RAB7A: variants seen among roughly 807,000 people sequenced by gnomAD.
RAB7A encodes ras-related protein Rab-7a.
RAB7A carries 2 observed loss-of-function variants against 24.5 expected under a neutral mutation model. The ratio of observed to expected loss-of-function variants is 0.08; its 90% CI spans 0.03 to 0.26. RAB7A has a LOEUF of 0.26. Ranked by LOEUF, RAB7A falls within the 10% of genes least tolerant of loss-of-function variation. The probability of loss-of-function intolerance (pLI) is 1.00; values close to 1 mark genes in which losing one functional copy is unlikely to be tolerated. For synonymous variants in RAB7A, 100 were observed against 95.9 expected, an observed-to-expected ratio of 1.04 and a Z score of -0.25; for missense variants, 118 against 255.7, an observed-to-expected ratio of 0.46 and a Z score of 3.67.
chr3:128,737,825 G>GAATTTTTT (rs2070506150), intron 1 of RAB7A, among the ~76,000 whole-genome samples: 1 of 59,482 alleles, frequency 1.7e-5, no homozygotes, highest in African/African-American at 6.3e-5. Flanking sequence ...TTTTTTTGTA[G>GAATTTTTT]TTTTTTTTTT....
chr3:128,788,029 C>T (rs763661284), intron 1 of RAB7A, among the ~76,000 whole-genome samples: 5 of 152,226 alleles, frequency 3.3e-5, no homozygotes, highest in East Asian at 1.9e-4. Context: ...TTTTAAATTG[C>T]GTGCTGTTTG....
At chr3:128,767,115 T>G (rs1425425001) in intron 1 of RAB7A, among the ~76,000 whole-genome samples, 2 of 152,208 alleles carry the variant, frequency 1.3e-5, no homozygotes, top group African/African-American at 4.8e-5. Context: ...CTGCTGCGCG[T>G]TGGCATTCAG....
intron 1 of RAB7A, among the ~76,000 whole-genome samples, chr3:128,734,505 C>T (rs979587989): frequency 3.3e-5 from 5 of 151,158 alleles, no homozygotes; most frequent in East Asian, 3.9e-4. Flanking sequence ...AGGAAAACAC[C>T]GCTTCAGTCC....
chr3:128,767,114 G>A (rs950917749), intron 1 of RAB7A, among the ~76,000 whole-genome samples: 12 of 152,134 alleles, frequency 7.9e-5, no homozygotes, highest in African/African-American at 2.7e-4. Context: ...CCTGCTGCGC[G>A]TTGGCATTCA....
At chr3:128,740,409 A>G (rs1409872383) in intron 1 of RAB7A, among the ~76,000 whole-genome samples, 1 of 152,190 alleles carries the variant, frequency 6.6e-6, no homozygotes, top group Admixed American at 6.5e-5. Context: ...TTATCTAATC[A>G]TTTCCTTAAG....
intron 1 of RAB7A, among the ~76,000 whole-genome samples, chr3:128,728,339 T>C (rs898387322): frequency 5.9e-5 from 9 of 152,246 alleles, no homozygotes; most frequent in Admixed American, 1.3e-4. Flanking sequence ...AACAACAGCA[T>C]TTGTATGGTT....
In RAB7A at chr3:128,755,655, T is replaced by A. The variant is rs570857916; in HGVS notation, c.-9+29296T>A. Among the ~76,000 whole-genome samples the A allele has an allele frequency of 6.6e-5, 10 of 152,368 alleles. 1 individual carries two copies. The South Asian group carries it at 2.1e-3, about 32-fold the overall frequency. On this transcript the variant is annotated intron_variant, in intron 1 of 5. Transcript: ENST00000265062. ...CTTTGCTCAGTTCCTGGGACTGTAC[T>A]CTTTCCACCTTGGACGATGCCATCT...
At chr3:128,777,099 T>TAAA (rs1257536688) in intron 1 of RAB7A, among the ~76,000 whole-genome samples, 1 of 152,198 alleles carries the variant, frequency 6.6e-6, no homozygotes, top group African/African-American at 2.4e-5. Flanking sequence ...GAGTTCCTTA[T>TAAA]ATGTTTAGGG....
chr3:128,801,039 A>G (rs1462090259), intron 3 of RAB7A, among the ~76,000 whole-genome samples: 1 of 152,238 alleles, frequency 6.6e-6, no homozygotes. Context: ...CATAATCAAA[A>G]TAAAACAAGG....
rs568170632 is a variant in RAB7A, at chr3:128,791,732, G to A, written c.-8-3628G>A. ...GACTCTGCTGGGCATGTCCTTATGG[G>A]GAGCCTAAGGAGCTGTCAAAAGAGA... On this transcript the variant is annotated intron_variant, in intron 1 of 5. Coordinates refer to ENST00000265062, the MANE Select transcript of RAB7A (RefSeq NM_004637.6). Among the ~76,000 whole-genome samples the A allele has an allele frequency of 9.9e-5, 15 of 152,260 alleles. No individual in the cohort carries two copies. In the South Asian group the frequency reaches 3.1e-3, roughly 32 times the overall value.
chr3:128,806,729 GGCCAACT>G, intron 4 of RAB7A, 139 bp downstream of exon 4: 1 of 899,592 alleles, frequency 1.1e-6, no homozygotes, highest in Non-Finnish European at 1.8e-6. Flanking sequence ...CAGCCCTTCA[GGCCAACT>G]GCCTTTAAGG....
chr3:128,729,569 CA>C (rs71153142), intron 1 of RAB7A, among the ~76,000 whole-genome samples: 15,041 of 97,066 alleles, frequency 0.15, 1,548 homozygotes, highest in African/African-American at 0.34. Context: ...GACTTCTTCT[CA>C]AAAAAAAAAA....
At chr3:128,812,550 G>C (rs1933949679) in intron 5 of RAB7A, among the ~76,000 whole-genome samples, 1 of 152,200 alleles carries the variant, frequency 6.6e-6, no homozygotes, top group African/African-American at 2.4e-5. Context: ...TTCTAGAACA[G>C]TCACTGGCAC....
chr3:128,795,565 A>T, intron 2 of RAB7A, 145 bp downstream of exon 2: 1 of 771,414 alleles, frequency 1.3e-6, no homozygotes, highest in South Asian at 1.4e-5. Flanking sequence ...AGAAATTTAG[A>T]TGATCCCTTG....
chr3:128,806,699 G>A, intron 4 of RAB7A, 109 bp downstream of exon 4: 1 of 1,133,964 alleles, frequency 8.8e-7, no homozygotes, highest in South Asian at 1.3e-5. Context: ...GTGCTGGTGG[G>A]AGTCTTCATT....
chr3:128,798,302 T>TAA (rs1003516628), intron 3 of RAB7A: 1 of 459,226 alleles, frequency 2.2e-6, no homozygotes, highest in Non-Finnish European at 3.8e-6. Flanking sequence ...AAATTCTTCT[T>TAA]AAAAAAAAAC....
rs183364344 is a variant in RAB7A, at chr3:128,735,457, G to C, written c.-9+9098G>C. ...TAGACACAGCATAATCCTGTCACTT[G>C]AACCTCACAATTAAGTCAGATAGTA... On this transcript the variant is annotated intron_variant, in intron 1 of 5. Transcript: ENST00000265062. 2.4e-4 allele frequency among the ~76,000 whole-genome samples: 36 copies of C among 152,334 alleles called. No homozygotes were observed. In the East Asian group the frequency reaches 4.6e-3, roughly 20 times the overall value.
chr3:128,774,015 T>A (rs1933019208), intron 1 of RAB7A, among the ~76,000 whole-genome samples: 1 of 149,684 alleles, frequency 6.7e-6, no homozygotes, highest in African/African-American at 2.5e-5. Flanking sequence ...TGACCTTCCC[T>A]GCACTATTGT....
chr3:128,749,809 T>C (rs948492624), intron 1 of RAB7A, among the ~76,000 whole-genome samples: 11 of 152,254 alleles, frequency 7.2e-5, no homozygotes, highest in Admixed American at 2.0e-4. Flanking sequence ...CGTGGAACTA[T>C]AAATCCAGTT....
Sources: gnomAD v4.1 joint callset for allele counts (sites outside exome capture counted in the v4.1 genomes callset) on GRCh38, gnomAD v4.1.1 for gene constraint, MANE v1.5 for transcripts, NCBI Gene and HGNC (gene_info 2026-07-23, HGNC 2026-07-21) for gene names.